Variants in FBXW10B observed in about 807,000 individuals in gnomAD.
FBXW10B encodes F-box and WD repeat domain containing protein 10B.
At chr17:15,585,611 G>A in the FBXW10B span, among the ~76,000 whole-genome samples, 2 of 152,234 alleles carry the variant, frequency 1.3e-5, no homozygotes, top group Non-Finnish European at 2.9e-5. Context: ...TGCTCACAAG[G>A]TTGCCCGTGT....
At chr17:15,615,481 T>A in the FBXW10B span, 1 of 912,194 alleles carries the variant, frequency 1.1e-6, no homozygotes, top group African/African-American at 1.8e-5. Flanking sequence ...CCCGGCTAAT[T>A]TTTTTGTATT....
At chr17:15,615,673 T>C in the FBXW10B span, 2 of 1,613,866 alleles carry the variant, frequency 1.2e-6, no homozygotes, top group Middle Eastern at 1.7e-4. Context: ...CAAGGAAGTG[T>C]TCATTTTCTG....
the FBXW10B span, among the ~76,000 whole-genome samples, chr17:15,588,007 T>C: frequency 6.6e-6 from 1 of 152,176 alleles, no homozygotes; most frequent in Non-Finnish European, 1.5e-5. Context: ...AACTAGTAGA[T>C]CCAATTTATC....
At chr17:15,591,206 A>C in the FBXW10B span, among the ~76,000 whole-genome samples, 1 of 152,362 alleles carries the variant, frequency 6.6e-6, no homozygotes, top group African/African-American at 2.4e-5. Flanking sequence ...AAAAGTCCTC[A>C]CTTAGGAGTG....
chr17:15,601,224 ACG>A, the FBXW10B span, among the ~76,000 whole-genome samples: 10 of 146,720 alleles, frequency 6.8e-5, no homozygotes, highest in Non-Finnish European at 1.4e-4. Flanking sequence ...CCTGGCTAAC[ACG>A]GTGAAACCCC....
At chr17:15,584,679 G>A in the FBXW10B span, among the ~76,000 whole-genome samples, 1 of 152,188 alleles carries the variant, frequency 6.6e-6, no homozygotes, top group Non-Finnish European at 1.5e-5. Flanking sequence ...TGGATGCTGA[G>A]AGTGATCATG....
the FBXW10B span, among the ~76,000 whole-genome samples, chr17:15,606,619 ATAC>A: frequency 3.4e-5 from 5 of 148,896 alleles, no homozygotes; most frequent in East Asian, 9.9e-4. Flanking sequence ...GTATATATAT[ATAC>A]ATGTACATAT....
chr17:15,612,360 A>G, the FBXW10B span, among the ~76,000 whole-genome samples: 19 of 152,090 alleles, frequency 1.2e-4, no homozygotes, highest in African/African-American at 4.3e-4. Context: ...AAAAAATACA[A>G]AAAATTAGCC....
the FBXW10B span, among the ~76,000 whole-genome samples, chr17:15,585,875 A>G: frequency 2.2e-4 from 33 of 150,886 alleles, no homozygotes; most frequent in Non-Finnish European, 4.7e-4. Context: ...CACTGCTTTG[A>G]TTGTCTTTGT....
At chr17:15,585,133 A>G in the FBXW10B span, among the ~76,000 whole-genome samples, 1 of 151,994 alleles carries the variant, frequency 6.6e-6, no homozygotes, top group Non-Finnish European at 1.5e-5. Flanking sequence ...AAGAAGAACA[A>G]CATTATAATA....
the FBXW10B span, chr17:15,568,918 C>G: frequency 1.6e-6 from 2 of 1,231,698 alleles, no homozygotes; most frequent in Non-Finnish European, 2.0e-6. Flanking sequence ...AGCCCATCAT[C>G]GGTTTTGCGT....
chr17:15,569,814 ATCTT>A, the FBXW10B span, among the ~76,000 whole-genome samples: 1 of 152,096 alleles, frequency 6.6e-6, no homozygotes, highest in South Asian at 2.1e-4. Flanking sequence ...GCCTCAAGTG[ATCTT>A]TCTGTCTTGG....
chr17:15,572,328 C>T, the FBXW10B span: 3 of 152,156 alleles, frequency 2.0e-5, no homozygotes, highest in Non-Finnish European at 4.4e-5. Flanking sequence ...TCTGTTTCCT[C>T]GCCTATAAAA....
chr17:15,612,279 G>T, the FBXW10B span, among the ~76,000 whole-genome samples: 1 of 152,186 alleles, frequency 6.6e-6, no homozygotes, highest in Admixed American at 6.5e-5. Context: ...AGGCCGAGGC[G>T]GGCGGATCAC....
chr17:15,586,060 C>A, the FBXW10B span, among the ~76,000 whole-genome samples: 1 of 151,634 alleles, frequency 6.6e-6, no homozygotes, highest in Non-Finnish European at 1.5e-5. Flanking sequence ...TTGGCACCCA[C>A]TGAGTGGAAA....
the FBXW10B span, among the ~76,000 whole-genome samples, chr17:15,599,188 A>G: frequency 6.8e-6 from 1 of 147,986 alleles, no homozygotes. Flanking sequence ...AAAAAAAAAA[A>G]AAGAGTATTT....
At chr17:15,578,717 G>T in the FBXW10B span, among the ~76,000 whole-genome samples, 4 of 152,086 alleles carry the variant, frequency 2.6e-5, no homozygotes, top group South Asian at 2.1e-4. Context: ...GATTTTCGTA[G>T]CTGGGACAAT....
At chr17:15,569,099 T>C in the FBXW10B span, 2 of 603,728 alleles carry the variant, frequency 3.3e-6, no homozygotes, top group Admixed American at 8.7e-5. Flanking sequence ...ATAATAAACA[T>C]GAGTACAGGT....
At chr17:15,577,786 A>G in the FBXW10B span, among the ~76,000 whole-genome samples, 1 of 152,138 alleles carries the variant, frequency 6.6e-6, no homozygotes, top group Non-Finnish European at 1.5e-5. Context: ...TGGTTTGTAA[A>G]GGTTCATTTG....
Sources: allele counts gnomAD v4.1 joint callset (sites outside exome capture counted in the v4.1 genomes callset), GRCh38; gene constraint gnomAD v4.1.1; transcripts MANE v1.5; gene names NCBI Gene and HGNC (gene_info 2026-07-23, HGNC 2026-07-21).